Variants in APOBEC4 observed in about 807,000 individuals in gnomAD.
The protein encoded by APOBEC4 is apolipoprotein B mRNA editing enzyme catalytic polypeptide like 4, also known as putative deaminase APOBEC-4.
For missense variants in APOBEC4, 375 were observed against 441.2 expected (o/e 0.85, Z 1.34); for synonymous variants, 141 against 154.2 (o/e 0.91, Z 0.63).
At position 183,648,461 on chromosome 1, in the gene APOBEC4, T is replaced by C; in HGVS notation, c.321A>G (p.Ser107=). ...MLFEMNGYLD[S]AIYNNDSIRH... ...TGATGCTGTCATTATTGTATATGGC[T>C]GAGTCAAGATAACCATTCATTTCAA... Residue 107 remains serine (S), a synonymous_variant, in exon 2 of 2, where the codon TCA becomes TCG. Transcript: ENST00000308641. 1 of 1,614,240 alleles carries C rather than the reference T, an allele frequency of 6.2e-7. No homozygotes were observed. Among genetic ancestry groups the C allele is most frequent in the South Asian group, 1.1e-5 (1 of 91,086 alleles).
chr1:183,647,082 G>A lies in APOBEC4; in HGVS notation c.*596C>T, dbSNP rs1003937570. 3 of 152,304 alleles carry A rather than the reference G, an allele frequency of 2.0e-5. No homozygotes were observed. The highest frequency in any genetic ancestry group is 7.2e-5 in the African/African-American group (3 of 41,432). 9.4% of individuals were successfully genotyped at this position (152,304 alleles called of 1,614,324 possible). On this transcript the variant is annotated 3_prime_UTR_variant, in exon 2 of 2. Transcript: ENST00000308641. Reference sequence around the variant, plus strand: ...GCTCAGAAGGGAGAGGTCTGAGCTGGGGAAGATCAAACTGAGCAGGTGGCT... The same window carrying A: ...GCTCAGAAGGGAGAGGTCTGAGCTGAGGAAGATCAAACTGAGCAGGTGGCT...
intron 1 of APOBEC4, among the ~76,000 whole-genome samples, chr1:183,649,374 T>C (rs1390003673): frequency 6.6e-6 from 1 of 152,246 alleles, no homozygotes; most frequent in Admixed American, 6.5e-5. Flanking sequence ...GTGTTTTGCA[T>C]TTTGTTCATG....
At chr1:183,652,531 G>A (rs1650837986) in intron 1 of APOBEC4, among the ~76,000 whole-genome samples, 1 of 152,192 alleles carries the variant, frequency 6.6e-6, no homozygotes, top group South Asian at 2.1e-4. Context: ...AGAATTCATG[G>A]TTTATTGTAT....
At chr1:183,650,567 A>G (rs146294298) in intron 1 of APOBEC4, among the ~76,000 whole-genome samples, 87 of 152,186 alleles carry the variant, frequency 5.7e-4, no homozygotes, top group Admixed American at 4.8e-3. Context: ...AAAACACAAT[A>G]TTCATGGCTA....
chr1:183,652,124 G>A (rs1650802973), intron 1 of APOBEC4, among the ~76,000 whole-genome samples: 1 of 152,190 alleles, frequency 6.6e-6, no homozygotes, highest in Non-Finnish European at 1.5e-5. Context: ...TATTTCTTAA[G>A]GTGATGTGTA....
At chr1:183,649,858 T>C (rs1001511566) in intron 1 of APOBEC4, among the ~76,000 whole-genome samples, 1 of 152,168 alleles carries the variant, frequency 6.6e-6, no homozygotes, top group African/African-American at 2.4e-5. Flanking sequence ...GTTGCTCAGA[T>C]TGCAGTGCAG....
chr1:183,646,936 C>G lies in APOBEC4; in HGVS notation c.*742G>C, dbSNP rs1650334516. On this transcript the variant is annotated 3_prime_UTR_variant, in exon 2 of 2. Coordinates refer to ENST00000308641, the MANE Select transcript of APOBEC4 (RefSeq NM_203454.3). The stretch of plus-strand genomic sequence containing the variant: ...GGTACTTATGATCTTGCTGATGAGA[C>G]AAGGCAACAGGAAGTTAAAGGAGGA... 6.6e-6 allele frequency: 1 copy of G among 152,094 alleles called. No homozygotes were observed. 9.4% of individuals were successfully genotyped at this position (152,094 alleles called of 1,614,324 possible).
At chr1:183,650,489 G>A (rs1428189409) in intron 1 of APOBEC4, among the ~76,000 whole-genome samples, 2 of 152,126 alleles carry the variant, frequency 1.3e-5, no homozygotes, top group Non-Finnish European at 2.9e-5. Flanking sequence ...CTTGCAGTGA[G>A]CCAACATCCC....
At chr1:183,649,401 T>A (rs1404002859) in intron 1 of APOBEC4, among the ~76,000 whole-genome samples, 1 of 152,250 alleles carries the variant, frequency 6.6e-6, no homozygotes, top group African/African-American at 2.4e-5. Flanking sequence ...CTTCTCAGAA[T>A]ATGTTAACAT....
chr1:183,647,689 CTT>C lies in APOBEC4; in HGVS notation c.1091_1092del (p.Lys364ArgfsTer20), dbSNP rs1491462664. 5 of 1,596,760 alleles carry C rather than the reference CTT, an allele frequency of 3.1e-6. No homozygotes were observed. The highest frequency in any genetic ancestry group is 4.3e-6 in the Non-Finnish European group (5 of 1,168,358). On this transcript the variant is annotated frameshift_variant, in exon 2 of 2. Coordinates refer to ENST00000308641, the MANE Select transcript of APOBEC4 (RefSeq NM_203454.3). LOFTEE classifies it high-confidence loss of function. The part of the protein sequence containing the change: ...SKEADEKKKK[K>X]GKK ...TAGGAATGTAGATTTTATTTCTTCC[CTT>C]TCTTCTTCTTCTTTTCATCTGCCTC...
intron 1 of APOBEC4, among the ~76,000 whole-genome samples, chr1:183,651,037 C>T (rs1334104311): frequency 6.6e-6 from 1 of 152,160 alleles, no homozygotes; most frequent in Non-Finnish European, 1.5e-5. Context: ...AAATCTGCCA[C>T]ATTTGCTGCT....
At chr1:183,648,888 A>T in intron 1 of APOBEC4, 77 bp from the exon 2 acceptor site, 1 of 890,624 alleles carries the variant, frequency 1.1e-6, no homozygotes, top group South Asian at 1.7e-5. Flanking sequence ...ATTAAACCAT[A>T]CTTTCTTTAA....
intron 1 of APOBEC4, among the ~76,000 whole-genome samples, chr1:183,650,771 C>T (rs1219118435): frequency 2.7e-5 from 4 of 148,976 alleles, no homozygotes; most frequent in South Asian, 2.1e-4. Flanking sequence ...ATTGTCAAAT[C>T]GCTTCCTAGG....
At chr1:183,650,297 A>T (rs1426068291) in intron 1 of APOBEC4, among the ~76,000 whole-genome samples, 1 of 152,086 alleles carries the variant, frequency 6.6e-6, no homozygotes. Context: ...TAATCCCAGC[A>T]CTTTGGGAGG....
At chr1:183,649,424 G>A (rs915695467) in intron 1 of APOBEC4, among the ~76,000 whole-genome samples, 2 of 152,282 alleles carry the variant, frequency 1.3e-5, no homozygotes, top group Admixed American at 1.3e-4. Context: ...AATGTATTGT[G>A]CAGAACTATT....
At chr1:183,649,854 C>G (rs1650587848) in intron 1 of APOBEC4, among the ~76,000 whole-genome samples, 1 of 152,200 alleles carries the variant, frequency 6.6e-6, no homozygotes, top group South Asian at 2.1e-4. Flanking sequence ...CTCTGTTGCT[C>G]AGATTGCAGT....
chr1:183,648,011 A>T lies in APOBEC4; in HGVS notation c.771T>A (p.Ala257=). The T allele has an allele frequency of 6.2e-7, 1 of 1,614,216 alleles. No individual in the cohort carries two copies. Among genetic ancestry groups the T allele is most frequent in the Non-Finnish European group, 8.5e-7 (1 of 1,180,040 alleles). ...CATTGTTTAAGGGGTAGCTCTCTAA[A>T]GCCTCCTGAGCTTTTGTGTTTGGAT... ...KRNPNTKAQE[A]LESYPLNNAF... The change falls in exon 2 of 2, where the codon GCT becomes GCA. Residue 257 remains alanine (A), a synonymous_variant. Transcript: ENST00000308641.
Position 183,647,821 on chromosome 1 carries a change from T to C in APOBEC4, c.961A>G (p.Asn321Asp), listed in dbSNP as rs76778886. 2.4e-3 allele frequency: 3,943 copies of C among 1,614,220 alleles called. 95 individuals carry two copies. The African/African-American group carries it at 0.048, about 20-fold the overall frequency. Residue 321 changes from asparagine (N) to aspartate (D), a missense_variant, in exon 2 of 2, where the codon AAT (asparagine) becomes GAT (aspartate). Transcript: ENST00000308641. The stretch of plus-strand genomic sequence containing the variant: ...TCCTGGAATGACATTTGAGGCATAT[T>C]TAAGTGCCTTACGATATTCCTGGGT... ...NKPRNIVRHL[N>D]MPQMSFQETK...
At chr1:183,650,537 T>A (rs964897133) in intron 1 of APOBEC4, among the ~76,000 whole-genome samples, 1 of 152,178 alleles carries the variant, frequency 6.6e-6, no homozygotes, top group Non-Finnish European at 1.5e-5. Flanking sequence ...AGCGAGACTC[T>A]GTCTCAAAAC....
Sources: gnomAD v4.1 joint callset for allele counts (sites outside exome capture counted in the v4.1 genomes callset) on GRCh38, gnomAD v4.1.1 for gene constraint, MANE v1.5 for transcripts, NCBI Gene and HGNC (gene_info 2026-07-23, HGNC 2026-07-21) for gene names.